Variants in ACOXL observed in about 807,000 individuals in gnomAD.
ACOXL encodes acyl-coenzyme A oxidase-like protein.
Under a neutral mutation model 71.9 loss-of-function variants are expected in ACOXL, and 70 were observed. That is an observed-to-expected ratio of 0.97 (90% CI 0.80 to 1.19). The LOEUF (loss-of-function observed/expected upper bound fraction) is 1.19, where lower values mean the gene tolerates loss of function less well. Ranked by LOEUF, ACOXL falls within the 50% of genes most tolerant of loss-of-function variation. The pLI, the probability that ACOXL is intolerant of heterozygous loss-of-function variation, is 0.00. For synonymous variants in ACOXL, 253 were observed against 281.6 expected, an observed-to-expected ratio of 0.90 and a Z score of 1.02; for missense variants, 703 against 736.3, an observed-to-expected ratio of 0.95 and a Z score of 0.52.
At chr2:110,845,256 A>T (rs1274037477) in intron 10 of ACOXL, among the ~76,000 whole-genome samples, 1 of 152,174 alleles carries the variant, frequency 6.6e-6, no homozygotes, top group Non-Finnish European at 1.5e-5. Context: ...CTGTGTTGTC[A>T]CGTGGCAGAA....
chr2:110,999,119 G>A (rs188827591), intron 14 of ACOXL, among the ~76,000 whole-genome samples: 8 of 152,120 alleles, frequency 5.3e-5, no homozygotes, highest in African/African-American at 1.7e-4. Context: ...TCACAGTTCT[G>A]GGGGCTGGAA....
intron 10 of ACOXL, among the ~76,000 whole-genome samples, chr2:110,867,479 G>A (rs1330564875): frequency 6.6e-6 from 1 of 152,226 alleles, no homozygotes; most frequent in Non-Finnish European, 1.5e-5. Context: ...CTAATAAGAT[G>A]TGGCCCCCTG....
chr2:111,026,836 G>A (rs1396439932), intron 14 of ACOXL, among the ~76,000 whole-genome samples: 1 of 152,156 alleles, frequency 6.6e-6, no homozygotes, highest in African/African-American at 2.4e-5. Flanking sequence ...ACAGAGTAGG[G>A]TGTCCTCAGA....
At chr2:111,010,307 A>G (rs760802674) in intron 14 of ACOXL, among the ~76,000 whole-genome samples, 4 of 152,186 alleles carry the variant, frequency 2.6e-5, no homozygotes, top group Non-Finnish European at 5.9e-5. Context: ...ACTGAAAAAT[A>G]CAATAGTATT....
At chr2:110,916,695 A>C (rs538613014) in intron 11 of ACOXL, among the ~76,000 whole-genome samples, 1 of 152,322 alleles carries the variant, frequency 6.6e-6, no homozygotes, top group South Asian at 2.1e-4. Context: ...AAAAGAATCA[A>C]ATAGACACAG....
intron 10 of ACOXL, among the ~76,000 whole-genome samples, chr2:110,905,374 G>T (rs1160268997): frequency 1.3e-5 from 2 of 152,136 alleles, no homozygotes; most frequent in Non-Finnish European, 1.5e-5. Context: ...ATCTGAAGGG[G>T]CTTAGTGGGA....
At chr2:111,050,620 TG>T (rs1234687189) in intron 16 of ACOXL, among the ~76,000 whole-genome samples, 1 of 152,174 alleles carries the variant, frequency 6.6e-6, no homozygotes, top group Non-Finnish European at 1.5e-5. Flanking sequence ...GCTTCTCTCT[TG>T]TTCTTCTCCT....
chr2:110,850,483 A>G (rs925449942), intron 10 of ACOXL, among the ~76,000 whole-genome samples: 1 of 152,238 alleles, frequency 6.6e-6, no homozygotes, highest in African/African-American at 2.4e-5. Flanking sequence ...AACAAGATGC[A>G]TAGATGGCAA....
At position 110,964,936 on chromosome 2, in the gene ACOXL, T is replaced by C. The variant is rs77539469; in HGVS notation, c.1060-22172T>C. On this transcript the variant is annotated intron_variant, in intron 12 of 17. Coordinates refer to ENST00000439055, the MANE Select transcript of ACOXL (RefSeq NM_001142807.4). ...AACTTATTCCTTCTGCCTGACTGTA[T>C]ATTTGTACGGATTAATCAACTTCTG... 1.5e-4 allele frequency among the ~76,000 whole-genome samples: 23 copies of C among 152,344 alleles called. No homozygotes were observed. The East Asian group carries it at 2.5e-3, about 17-fold the overall frequency.
At chr2:110,914,410 T>C (rs1328973592) in intron 11 of ACOXL, among the ~76,000 whole-genome samples, 2 of 152,214 alleles carry the variant, frequency 1.3e-5, no homozygotes, top group African/African-American at 4.8e-5. Context: ...TGTTTTATAA[T>C]TTACAGTGTA....
chr2:110,882,091 G>A (rs558565281), intron 10 of ACOXL, among the ~76,000 whole-genome samples: 12 of 152,262 alleles, frequency 7.9e-5, no homozygotes, highest in South Asian at 2.1e-4. Context: ...CGACAGCGGC[G>A]TATGAGAGTT....
intron 11 of ACOXL, among the ~76,000 whole-genome samples, chr2:110,926,154 A>T (rs1019588501): frequency 1.2e-4 from 19 of 152,196 alleles, no homozygotes; most frequent in African/African-American, 4.3e-4. Flanking sequence ...ACAGATCACC[A>T]TAACAGATAC....
At chr2:110,882,631 A>T (rs186468502) in intron 10 of ACOXL, among the ~76,000 whole-genome samples, 1 of 152,156 alleles carries the variant, frequency 6.6e-6, no homozygotes, top group Admixed American at 6.5e-5. Flanking sequence ...TTAATGGCTG[A>T]TTTTTTTCCT....
chr2:110,980,122 G>C (rs2149521020), intron 12 of ACOXL, among the ~76,000 whole-genome samples: 1 of 152,326 alleles, frequency 6.6e-6, no homozygotes, highest in South Asian at 2.1e-4. Flanking sequence ...GAGGAACTGT[G>C]AAATCCTGGG....
At chr2:111,006,803 C>T (rs554291909) in intron 14 of ACOXL, among the ~76,000 whole-genome samples, 1 of 152,268 alleles carries the variant, frequency 6.6e-6, no homozygotes, top group African/African-American at 2.4e-5. Context: ...AAGTGATCTG[C>T]CCTCCTCAGC....
At chr2:110,953,533 C>G (rs534823590) in intron 12 of ACOXL, among the ~76,000 whole-genome samples, 1 of 152,102 alleles carries the variant, frequency 6.6e-6, no homozygotes, top group Admixed American at 6.5e-5. Context: ...TGGCATTATT[C>G]AAATATGCCC....
intron 9 of ACOXL, among the ~76,000 whole-genome samples, chr2:110,830,589 A>G (rs1361235480): frequency 2.0e-5 from 3 of 151,182 alleles, no homozygotes; most frequent in Non-Finnish European, 4.4e-5. Context: ...GCTGGAGTGC[A>G]GTGGCGCAAT....
chr2:111,114,405 T>C (rs1191311756), intron 17 of ACOXL: 1 of 152,240 alleles, frequency 6.6e-6, no homozygotes, highest in Non-Finnish European at 1.5e-5. Flanking sequence ...CCCCATATTC[T>C]ACTGGCAAAG....
Position 111,078,252 on chromosome 2 carries a change from T to TGTCTAAAAATATAA in ACOXL, c.1441-14613_1441-14612insGTCTAAAAATATAA, listed in dbSNP as rs1558944321. ...CTAAAATGTCTACTTGATTCTCTTT[T>TGTCTAAAAATATAA]ATGTTTTATATTTCTTTCTTTCTTT... is the stretch of plus-strand genomic sequence containing the variant. On this transcript the variant is annotated intron_variant, in intron 16 of 17. Transcript: ENST00000439055. 2.6e-5 allele frequency among the ~76,000 whole-genome samples: 4 copies of TGTCTAAAAATATAA among 152,248 alleles called. No individual in the cohort carries two copies. In the East Asian group the frequency reaches 7.7e-4, roughly 29 times the overall value.
Sources: gnomAD v4.1 joint callset for allele counts (sites outside exome capture counted in the v4.1 genomes callset) on GRCh38, gnomAD v4.1.1 for gene constraint, MANE v1.5 for transcripts, NCBI Gene and HGNC (gene_info 2026-07-23, HGNC 2026-07-21) for gene names.